Variants in ALG6 observed in about 807,000 individuals in gnomAD.
ALG6 encodes the protein ALG6 alpha-1,3-glucosyltransferase, also known as dolichyl pyrophosphate Man9GlcNAc2 alpha-1,3-glucosyltransferase.
In ALG6, 46 loss-of-function variants were observed where a neutral mutation model predicts 66.6. That is an observed-to-expected ratio of 0.69 (90% CI 0.55 to 0.88). The LOEUF (loss-of-function observed/expected upper bound fraction) is 0.88, where lower values mean the gene tolerates loss of function less well. Among genes scored for constraint, ALG6 ranks in the 40% least tolerant of loss-of-function variants. The pLI, the probability that ALG6 is intolerant of heterozygous loss-of-function variation, is 0.00. For missense variants in ALG6, 505 were observed against 586.8 expected (o/e 0.86, Z 1.44); for synonymous variants, 185 against 203.7 (o/e 0.91, Z 0.78).
At chr1:63,421,567 T>C (rs1644573541) in intron 12 of ALG6, among the ~76,000 whole-genome samples, 1 of 152,156 alleles carries the variant, frequency 6.6e-6, no homozygotes, top group Admixed American at 6.5e-5. Flanking sequence ...TAAAGACACA[T>C]GCACATGTAT....
intron 2 of ALG6, among the ~76,000 whole-genome samples, chr1:63,386,907 T>C (rs1648520582): frequency 6.6e-6 from 1 of 152,200 alleles, no homozygotes; most frequent in Non-Finnish European, 1.5e-5. Flanking sequence ...TTCTACTTTT[T>C]TGACATAGGC....
intron 11 of ALG6, among the ~76,000 whole-genome samples, chr1:63,417,270 G>A (rs1644550281): frequency 6.6e-6 from 1 of 152,154 alleles, no homozygotes; most frequent in Non-Finnish European, 1.5e-5. Flanking sequence ...CTAAATAAAT[G>A]TACAGTTCAA....
chr1:63,423,635 TAATATTTTCA>T (rs1644599613), intron 12 of ALG6, among the ~76,000 whole-genome samples: 1 of 152,246 alleles, frequency 6.6e-6, no homozygotes. Flanking sequence ...TCTAGCTTCT[TAATATTTTCA>T]AGGTTCATCC....
At chr1:63,384,118 TAA>T (rs1557581917) in intron 2 of ALG6, among the ~76,000 whole-genome samples, 1 of 152,216 alleles carries the variant, frequency 6.6e-6, no homozygotes, top group Non-Finnish European at 1.5e-5. Context: ...GCAATAAACA[TAA>T]GAGTGGAGCT....
chr1:63,374,490 T>C (rs1648050528), intron 2 of ALG6, among the ~76,000 whole-genome samples: 1 of 151,930 alleles, frequency 6.6e-6, no homozygotes, highest in South Asian at 2.1e-4. Context: ...TAGCCGGGTG[T>C]GGTGGCGGGT....
chr1:63,437,043 T>A lies in ALG6; in HGVS notation c.*23T>A. ...TAGCTGTATTCCTAAACAAATTGTT[T>A]CCTAAACAAATGTGAAAATGTGAAC... On this transcript the variant is annotated 3_prime_UTR_variant, in exon 15 of 15. Coordinates refer to ENST00000263440, the MANE Select transcript of ALG6 (RefSeq NM_013339.4). The A allele has an allele frequency of 1.2e-6, 2 of 1,602,748 alleles. No individual in the cohort carries two copies. The highest frequency in any genetic ancestry group is 1.7e-4 in the Middle Eastern group (1 of 6,034).
intron 3 of ALG6, among the ~76,000 whole-genome samples, chr1:63,397,324 T>C (rs1201802309): frequency 1.3e-5 from 2 of 152,124 alleles, no homozygotes; most frequent in African/African-American, 4.8e-5. Context: ...TATCTGGGAT[T>C]GCAGGTGCCT....
At chr1:63,411,066 A>G (rs1644513247) in intron 7 of ALG6, 80 bp from the exon 8 acceptor site, 3 of 1,416,936 alleles carry the variant, frequency 2.1e-6, no homozygotes, top group East Asian at 2.3e-5. Context: ...TTCCTAGAGC[A>G]TATCTCTTGT....
intron 14 of ALG6, among the ~76,000 whole-genome samples, chr1:63,435,876 C>T (rs1403170159): frequency 6.6e-6 from 1 of 152,142 alleles, no homozygotes; most frequent in Admixed American, 6.5e-5. Context: ...TTGTATAGCA[C>T]ATTGGCCTAG....
intron 2 of ALG6, among the ~76,000 whole-genome samples, chr1:63,387,471 T>C (rs1416730268): frequency 6.6e-6 from 1 of 151,862 alleles, no homozygotes; most frequent in Non-Finnish European, 1.5e-5. Context: ...TATTTACCAT[T>C]GTTATATCTC....
chr1:63,425,106 G>A (rs1644608392), intron 12 of ALG6, among the ~76,000 whole-genome samples: 1 of 152,136 alleles, frequency 6.6e-6, no homozygotes, highest in African/African-American at 2.4e-5. Context: ...TGTGAGGAAG[G>A]TAGACTGTTC....
chr1:63,422,402 T>TGA (rs1644589837), intron 12 of ALG6, among the ~76,000 whole-genome samples: 1 of 85,116 alleles, frequency 1.2e-5, no homozygotes, highest in African/African-American at 5.5e-5. Flanking sequence ...AATATATATC[T>TGA]ATATAAATAT....
intron 2 of ALG6, among the ~76,000 whole-genome samples, chr1:63,382,306 ATTC>A (rs1428442072): frequency 2.0e-5 from 3 of 150,426 alleles, no homozygotes; most frequent in African/African-American, 7.4e-5. Flanking sequence ...GGTTCAAGCA[ATTC>A]TTCTGTCTCA....
In ALG6 at chr1:63,411,201, G is replaced by T; in HGVS notation, c.550G>T (p.Asp184Tyr). 6.2e-7 allele frequency: 1 copy of T among 1,613,838 alleles called. No individual in the cohort carries two copies. Among genetic ancestry groups the T allele is most frequent in the Non-Finnish European group, 8.5e-7 (1 of 1,179,876 alleles). The change falls in exon 8 of 15, where the codon GAC becomes TAC. Residue 184 changes from aspartate (D) to tyrosine (Y), a missense_variant. Coordinates refer to ENST00000263440, the MANE Select transcript of ALG6 (RefSeq NM_013339.4). ...GTGGGGTGTTCTTGGAATATCTTGT[G>T]ACTGCGACCTCCTAGGGTCACTGGC... ...ALWGVLGISC[D>Y]CDLLGSLAFC...
chr1:63,416,826 A>G (rs1644548044), intron 11 of ALG6, among the ~76,000 whole-genome samples: 1 of 143,068 alleles, frequency 7.0e-6, no homozygotes, highest in African/African-American at 2.8e-5. Context: ...GGTCTATAAA[A>G]TGACATTTAA....
intron 12 of ALG6, among the ~76,000 whole-genome samples, chr1:63,425,030 T>C (rs1312098819): frequency 6.6e-6 from 1 of 152,182 alleles, no homozygotes; most frequent in Non-Finnish European, 1.5e-5. Context: ...TCTGCCTGCC[T>C]TGGCCTCCCA....
intron 2 of ALG6, among the ~76,000 whole-genome samples, chr1:63,392,403 TC>T (rs1455971054): frequency 6.6e-6 from 1 of 152,128 alleles, no homozygotes; most frequent in Non-Finnish European, 1.5e-5. Context: ...ACTCCTGAAC[TC>T]AGGTGATCTG....
chr1:63,419,672 C>T (rs1329515764), intron 12 of ALG6, among the ~76,000 whole-genome samples: 3 of 151,986 alleles, frequency 2.0e-5, no homozygotes, highest in Non-Finnish European at 4.4e-5. Flanking sequence ...TCTTCCTGTT[C>T]CTTCACTTAT....
At chr1:63,434,823 G>T (rs9436232) in intron 14 of ALG6, among the ~76,000 whole-genome samples, 8,919 of 152,114 alleles carry the variant, frequency 0.059, 907 homozygotes, top group African/African-American at 0.2. Context: ...AAGGGTATGA[G>T]TATAGATTAA....
Sources: allele counts gnomAD v4.1 joint callset (sites outside exome capture counted in the v4.1 genomes callset), GRCh38; gene constraint gnomAD v4.1.1; transcripts MANE v1.5; gene names NCBI Gene and HGNC (gene_info 2026-07-23, HGNC 2026-07-21).